Variants in DENND2A observed in about 807,000 individuals in gnomAD.
DENND2A encodes DENN domain containing 2A.
In DENND2A, 53 loss-of-function variants were observed where a neutral mutation model predicts 105.3. The observed-to-expected ratio is 0.50, with a 90% CI of 0.40 to 0.63. The LOEUF is 0.63. DENND2A is among the 30% of genes least tolerant of loss of function. DENND2A has a pLI of 0.00. For missense variants in DENND2A, 1,138 were observed against 1,279.6 expected (o/e 0.89, Z 1.69); for synonymous variants, 522 against 508.4 (o/e 1.03, Z -0.36).
chr7:140,520,330 C>G (rs192485031), intron 18 of DENND2A, among the ~76,000 whole-genome samples: 1 of 151,692 alleles, frequency 6.6e-6, no homozygotes, highest in Admixed American at 6.6e-5. Context: ...AAAGTTGAAC[C>G]GGACTGTCCT....
intron 2 of DENND2A, among the ~76,000 whole-genome samples, chr7:140,603,447 C>G (rs1303028146): frequency 6.6e-6 from 1 of 152,194 alleles, no homozygotes; most frequent in Non-Finnish European, 1.5e-5. Context: ...CTGAACTTGA[C>G]AAATTGTCTG....
At chr7:140,562,905 A>G (rs1797689476) in intron 9 of DENND2A, among the ~76,000 whole-genome samples, 1 of 152,226 alleles carries the variant, frequency 6.6e-6, no homozygotes, top group South Asian at 2.1e-4. Flanking sequence ...GATGACACAG[A>G]TGAACCCAAC....
intron 1 of DENND2A, among the ~76,000 whole-genome samples, chr7:140,636,151 C>A (rs1800923588): frequency 6.6e-6 from 1 of 152,086 alleles, no homozygotes; most frequent in Admixed American, 6.6e-5. Flanking sequence ...AGGCTGATAG[C>A]CAGTGTTCAG....
At chr7:140,524,720 A>G (rs555695575) in intron 16 of DENND2A, among the ~76,000 whole-genome samples, 4 of 151,164 alleles carry the variant, frequency 2.6e-5, no homozygotes, top group Admixed American at 6.6e-5. Flanking sequence ...CTGGGACTAC[A>G]GGTGCATACC....
rs561011373 is a variant in DENND2A at position 140,635,855 on chromosome 7, G to A, written c.-248+4649C>T. ...ACTTCTAGGCAAACTGAGGGCTGAC[G>A]GAGTAAACTGTTGCCCACGTCAGAC... On this transcript the variant is annotated intron_variant, in intron 1 of 19. Coordinates refer to ENST00000496613, the MANE Select transcript of DENND2A (RefSeq NM_015689.5). 7.2e-5 allele frequency among the ~76,000 whole-genome samples: 11 copies of A among 152,322 alleles called. No individual in the cohort carries two copies. In the South Asian group the frequency reaches 2.1e-3, roughly 29 times the overall value.
intron 14 of DENND2A, among the ~76,000 whole-genome samples, chr7:140,539,913 A>T (rs1228116913): frequency 1.3e-5 from 2 of 152,212 alleles, no homozygotes; most frequent in Non-Finnish European, 2.9e-5. Flanking sequence ...GAGCATGTGG[A>T]GCCATTTGTA....
chr7:140,616,843 C>T (rs1800100437), intron 1 of DENND2A, among the ~76,000 whole-genome samples: 1 of 152,128 alleles, frequency 6.6e-6, no homozygotes, highest in Non-Finnish European at 1.5e-5. Context: ...CTCTATTTTG[C>T]CCTCTCCTTT....
chr7:140,602,900 G>C (rs1230915552), intron 2 of DENND2A, among the ~76,000 whole-genome samples: 2 of 152,088 alleles, frequency 1.3e-5, no homozygotes, highest in African/African-American at 4.8e-5. Flanking sequence ...AGTCAGATAG[G>C]CTTGGGTTTA....
chr7:140,532,387 T>TGAC (rs1446390825), intron 14 of DENND2A, among the ~76,000 whole-genome samples: 4 of 152,210 alleles, frequency 2.6e-5, no homozygotes, highest in African/African-American at 9.6e-5. Flanking sequence ...AACGAAGTGG[T>TGAC]TCATGAGAAG....
chr7:140,636,466 C>T (rs540360635), intron 1 of DENND2A, among the ~76,000 whole-genome samples: 1 of 152,226 alleles, frequency 6.6e-6, no homozygotes, highest in East Asian at 1.9e-4. Context: ...CCAGCCTTGT[C>T]CACTTCTGAG....
rs557027807 is a variant in DENND2A at position 140,525,763 on chromosome 7, C to T, written c.2535G>A (p.Arg845=). The T allele has an allele frequency of 3.1e-6, 5 of 1,606,432 alleles. No homozygotes were observed. Among genetic ancestry groups the T allele is most frequent in the Admixed American group, 3.4e-5 (2 of 59,182 alleles). ...TGGCCTCACTCACCTGTCTGAGGAA[C>T]CGGCTGTTGACGAGGTCAACCACAA... ...EVLVVDLVNS[R]FLRQMDDEDS... The change falls in exon 16 of 20, where the codon CGG becomes CGA. Residue 845 remains arginine, a synonymous_variant. Transcript: ENST00000496613.
intron 18 of DENND2A, 150 bp downstream of exon 18, chr7:140,521,705 C>A: frequency 7.6e-7 from 1 of 1,311,018 alleles, no homozygotes; most frequent in Non-Finnish European, 1.0e-6. Flanking sequence ...TTCCTACCAG[C>A]TCAGTCAGGG....
intron 3 of DENND2A, among the ~76,000 whole-genome samples, chr7:140,596,958 T>A (rs1332700330): frequency 6.6e-6 from 1 of 152,214 alleles, no homozygotes; most frequent in Admixed American, 6.5e-5. Context: ...TCTTTGGAAT[T>A]TCCTGACATT....
Position 140,541,963 on chromosome 7 carries a change from C to T in DENND2A, c.2327+2655G>A, listed in dbSNP as rs377413454. Among the ~76,000 whole-genome samples the T allele has an allele frequency of 3.4e-3, 515 of 152,288 alleles. 2 individuals carry two copies. Among genetic ancestry groups the T allele is most frequent in the Non-Finnish European group, 5.6e-3 (383 of 68,018 alleles). On this transcript the variant is annotated intron_variant, in intron 14 of 19. Coordinates refer to ENST00000496613, the MANE Select transcript of DENND2A (RefSeq NM_015689.5). The stretch of plus-strand genomic sequence containing the variant: ...AATTCCACATCTACGGAGTTTGTCC[C>T]TTCCATTCTTCTATGCCTTTTTTTT...
chr7:140,621,679 G>A (rs17621775), intron 1 of DENND2A, among the ~76,000 whole-genome samples: 52,474 of 151,908 alleles, frequency 0.35, 9,620 homozygotes, highest in African/African-American at 0.47. Flanking sequence ...GTAAAACCTG[G>A]GAGAAATGTA....
At chr7:140,524,612 G>A (rs932239193) in intron 16 of DENND2A, among the ~76,000 whole-genome samples, 1 of 151,110 alleles carries the variant, frequency 6.6e-6, no homozygotes, top group African/African-American at 2.4e-5. Context: ...GTTTCACACT[G>A]TCTCTCGGGC....
At chr7:140,549,233 A>C (rs1157332402) in intron 12 of DENND2A, among the ~76,000 whole-genome samples, 1 of 151,874 alleles carries the variant, frequency 6.6e-6, no homozygotes, top group Non-Finnish European at 1.5e-5. Flanking sequence ...TAAAAAAAAA[A>C]AGTGTAAAAT....
chr7:140,621,722 T>G (rs983064473), intron 1 of DENND2A, among the ~76,000 whole-genome samples: 1 of 152,190 alleles, frequency 6.6e-6, no homozygotes, highest in African/African-American at 2.4e-5. Flanking sequence ...ACAGTTTCCA[T>G]TCTCATACAG....
intron 9 of DENND2A, among the ~76,000 whole-genome samples, chr7:140,560,497 C>A (rs1418040654): frequency 6.6e-6 from 1 of 152,054 alleles, no homozygotes; most frequent in Non-Finnish European, 1.5e-5. Flanking sequence ...CAGTATCTGA[C>A]ATATCAAAGA....
Sources: gnomAD v4.1 joint callset for allele counts (sites outside exome capture counted in the v4.1 genomes callset) on GRCh38, gnomAD v4.1.1 for gene constraint, MANE v1.5 for transcripts, NCBI Gene and HGNC (gene_info 2026-07-23, HGNC 2026-07-21) for gene names.